Variants in TUSC3 observed in about 807,000 individuals in gnomAD.
TUSC3 encodes the protein dolichyl-diphosphooligosaccharide--protein glycosyltransferase subunit TUSC3.
Under a neutral mutation model 44.8 loss-of-function variants are expected in TUSC3, and 45 were observed. That is an observed-to-expected ratio of 1.00 (90% CI 0.79 to 1.29). The LOEUF is 1.29. Ranked by LOEUF, TUSC3 falls within the 50% of genes most tolerant of loss-of-function variation. TUSC3 has a pLI of 0.00. For missense variants in TUSC3, 519 were observed against 437.9 expected (o/e 1.19, Z -1.65); for synonymous variants, 212 against 152.9 (o/e 1.39, Z -2.85).
intron 7 of TUSC3, among the ~76,000 whole-genome samples, chr8:15,737,974 C>G (rs1000254620): frequency 6.6e-6 from 1 of 152,072 alleles, no homozygotes; most frequent in Admixed American, 6.5e-5. Flanking sequence ...CTAAACGATT[C>G]TCAACTCAAC....
chr8:15,751,029 A>G (rs750834410), intron 9 of TUSC3, among the ~76,000 whole-genome samples: 2 of 152,142 alleles, frequency 1.3e-5, no homozygotes, highest in African/African-American at 2.4e-5. Flanking sequence ...TGCTGTGTAG[A>G]GAAATGGCAG....
chr8:15,806,116 GA>G, the TUSC3 span: 2 of 421,094 alleles, frequency 4.7e-6, no homozygotes, highest in African/African-American at 2.0e-5. Flanking sequence ...CTTTGGAGGT[GA>G]AGGTAAACTC....
intron 1 of TUSC3, among the ~76,000 whole-genome samples, chr8:15,477,109 T>A (rs1234821082): frequency 6.6e-6 from 1 of 152,162 alleles, no homozygotes; most frequent in East Asian, 1.9e-4. Context: ...TCAGTCCTTT[T>A]GTTACTTAGG....
the TUSC3 span, among the ~76,000 whole-genome samples, chr8:15,847,228 G>C: frequency 0.094 from 14,282 of 152,182 alleles, 781 homozygotes; most frequent in Middle Eastern, 0.23. Context: ...GTGTGTATGA[G>C]ACAGAAGAAA....
At chr8:15,750,196 G>C (rs552156545) in intron 9 of TUSC3, among the ~76,000 whole-genome samples, 10 of 151,884 alleles carry the variant, frequency 6.6e-5, no homozygotes, top group South Asian at 2.1e-4. Context: ...AGCCAGGATG[G>C]TCTCGATCTC....
intron 2 of TUSC3, among the ~76,000 whole-genome samples, chr8:15,630,703 A>T (rs1384982382): frequency 6.6e-6 from 1 of 152,048 alleles, no homozygotes; most frequent in Non-Finnish European, 1.5e-5. Context: ...CCTAACCAAG[A>T]TTATTAGTGT....
chr8:15,598,157 C>A (rs182114198), intron 1 of TUSC3, among the ~76,000 whole-genome samples: 2 of 151,984 alleles, frequency 1.3e-5, no homozygotes, highest in Admixed American at 6.6e-5. Context: ...TTTATGTGAT[C>A]TTTGTCATTA....
chr8:15,460,172 C>T (rs544684918), intron 1 of TUSC3, among the ~76,000 whole-genome samples: 6 of 152,172 alleles, frequency 3.9e-5, no homozygotes, highest in African/African-American at 1.4e-4. Flanking sequence ...GAAGTGTTCC[C>T]TGATCTCTGC....
At chr8:15,498,876 G>A (rs954459697) in intron 2 of TUSC3, among the ~76,000 whole-genome samples, 3 of 152,154 alleles carry the variant, frequency 2.0e-5, no homozygotes, top group Non-Finnish European at 4.4e-5. Flanking sequence ...AGTCTAATCA[G>A]TACAATGAAT....
chr8:15,508,457 CTTTTTTTTTTT>C (rs1200727081), intron 2 of TUSC3, among the ~76,000 whole-genome samples: 2 of 79,584 alleles, frequency 2.5e-5, no homozygotes, highest in Admixed American at 2.0e-4. Context: ...TCGAAGCTTC[CTTTTTTTTTTT>C]TTTTTTTTTT....
chr8:15,605,287 C>G (rs1804472714), intron 1 of TUSC3, among the ~76,000 whole-genome samples: 1 of 151,834 alleles, frequency 6.6e-6, no homozygotes, highest in African/African-American at 2.4e-5. Flanking sequence ...AATTACTTGT[C>G]TTTTAGTCAC....
At chr8:15,562,538 A>C (rs1262315180) in intron 1 of TUSC3, among the ~76,000 whole-genome samples, 1 of 152,146 alleles carries the variant, frequency 6.6e-6, no homozygotes, top group Non-Finnish European at 1.5e-5. Context: ...AAGTCTGGGC[A>C]TGGTGTAGCT....
intron 2 of TUSC3, among the ~76,000 whole-genome samples, chr8:15,631,476 A>G (rs1383579228): frequency 6.6e-6 from 1 of 152,158 alleles, no homozygotes; most frequent in Non-Finnish European, 1.5e-5. Context: ...TGAAACTAGT[A>G]CAGTGGACAC....
At chr8:15,798,320 G>C in the TUSC3 span, among the ~76,000 whole-genome samples, 6 of 152,264 alleles carry the variant, frequency 3.9e-5, no homozygotes, top group Admixed American at 2.6e-4. Context: ...TCACGGGTCT[G>C]CATAGGCTAG....
At chr8:15,694,034 T>C (rs1809037541) in intron 6 of TUSC3, among the ~76,000 whole-genome samples, 1 of 152,132 alleles carries the variant, frequency 6.6e-6, no homozygotes, top group Non-Finnish European at 1.5e-5. Context: ...ATCTCCTGTA[T>C]AGTTTTATTG....
At chr8:15,841,434 CTG>C in the TUSC3 span, among the ~76,000 whole-genome samples, 1 of 152,078 alleles carries the variant, frequency 6.6e-6, no homozygotes, top group Non-Finnish European at 1.5e-5. Context: ...ATCAGCCAAA[CTG>C]AACTACATTT....
At chr8:15,637,256 T>C (rs1434911199) in intron 2 of TUSC3, among the ~76,000 whole-genome samples, 1 of 152,156 alleles carries the variant, frequency 6.6e-6, no homozygotes, top group East Asian at 1.9e-4. Context: ...TTGTTTTTGT[T>C]CTCTTACCTG....
the TUSC3 span, among the ~76,000 whole-genome samples, chr8:15,849,100 C>A: frequency 3.3e-5 from 5 of 151,978 alleles, no homozygotes; most frequent in African/African-American, 1.2e-4. Context: ...TGTGTAATAC[C>A]ATATAGGGCT....
chr8:15,542,638 A>G (rs1004049439), intron 1 of TUSC3, among the ~76,000 whole-genome samples: 15 of 152,334 alleles, frequency 9.8e-5, no homozygotes, highest in African/African-American at 3.1e-4. Context: ...GATGACTTTA[A>G]TATGTGAAAA....
Sources: gnomAD v4.1 joint callset for allele counts (sites outside exome capture counted in the v4.1 genomes callset) on GRCh38, gnomAD v4.1.1 for gene constraint, MANE v1.5 for transcripts, NCBI Gene and HGNC (gene_info 2026-07-23, HGNC 2026-07-21) for gene names.